The following SLIT2 variants were observed in gnomAD, a reference collection of about 807,000 sequenced individuals.
SLIT2 encodes slit guidance ligand 2, also known as slit homolog 2 protein.
In SLIT2, 41 loss-of-function variants were observed where a neutral mutation model predicts 185.7. The observed-to-expected ratio is 0.22, with a 90% confidence interval of 0.17 to 0.29. SLIT2 has a LOEUF of 0.29. SLIT2 is among the 10% of genes least tolerant of loss of function. The pLI, the probability that SLIT2 is intolerant of heterozygous loss-of-function variation, is 1.00. For missense variants in SLIT2, 1,571 were observed against 1,909.0 expected (o/e 0.82, Z 3.30); for synonymous variants, 693 against 680.2 (o/e 1.02, Z -0.29).
chr4:20,486,015 C>T lies in SLIT2; in HGVS notation c.540-185C>T, dbSNP rs559359028. 1.1e-3 allele frequency among the ~76,000 whole-genome samples: 165 copies of T among 152,140 alleles called. 1 individual carries two copies. The highest frequency in any genetic ancestry group is 3.6e-3 in the African/African-American group (148 of 41,522). ...TAAATGTTGAATAAAACAAAATGTACAGTAATATGTTAAATTATGAAATTA... is the reference window on the plus strand; with the variant it reads ...TAAATGTTGAATAAAACAAAATGTATAGTAATATGTTAAATTATGAAATTA... On this transcript the variant is annotated intron_variant, in intron 6 of 36. Coordinates refer to ENST00000504154, the MANE Select transcript of SLIT2 (RefSeq NM_004787.4).
At chr4:20,601,532 G>C (rs1728411792) in intron 33 of SLIT2, among the ~76,000 whole-genome samples, 1 of 152,124 alleles carries the variant, frequency 6.6e-6, no homozygotes, top group Non-Finnish European at 1.5e-5. Context: ...CAGGTGCAAT[G>C]GATCTACTCT....
chr4:20,538,836 G>A (rs985250834), intron 18 of SLIT2, among the ~76,000 whole-genome samples: 11 of 150,426 alleles, frequency 7.3e-5, no homozygotes, highest in South Asian at 2.1e-4. Flanking sequence ...ACTTTATTGT[G>A]GATATGGGAT....
chr4:20,314,223 T>G (rs551821316), intron 4 of SLIT2, among the ~76,000 whole-genome samples: 65 of 152,310 alleles, frequency 4.3e-4, no homozygotes, highest in Non-Finnish European at 8.2e-4. Context: ...TGAGTTTTAA[T>G]TTTCTTATCT....
At chr4:20,315,826 G>A (rs957787848) in intron 4 of SLIT2, among the ~76,000 whole-genome samples, 1 of 151,888 alleles carries the variant, frequency 6.6e-6, no homozygotes, top group African/African-American at 2.4e-5. Flanking sequence ...CTATAGCCAT[G>A]GGCTTTTAAT....
chr4:20,365,641 GCTGCCCCTAC>G (rs1433390729), intron 4 of SLIT2, among the ~76,000 whole-genome samples: 4 of 152,122 alleles, frequency 2.6e-5, no homozygotes, highest in African/African-American at 9.7e-5. Flanking sequence ...CCCAGTCATG[GCTGCCCCTAC>G]CTGGAAGATG....
At chr4:20,433,280 A>T (rs1349016020) in intron 4 of SLIT2, among the ~76,000 whole-genome samples, 1 of 152,230 alleles carries the variant, frequency 6.6e-6, no homozygotes. Flanking sequence ...GACACAACAG[A>T]GGTGGCCTTT....
chr4:20,466,276 ATCAATGGCAAACTGGAG>A (rs2148740276), intron 4 of SLIT2, among the ~76,000 whole-genome samples: 1 of 152,244 alleles, frequency 6.6e-6, no homozygotes, highest in Non-Finnish European at 1.5e-5. Flanking sequence ...GTCAGTCTAA[ATCAATGGCAAACTGGAG>A]AAATAAGCAA....
chr4:20,272,735 A>C (rs764107738), intron 4 of SLIT2, among the ~76,000 whole-genome samples: 1 of 152,112 alleles, frequency 6.6e-6, no homozygotes, highest in Non-Finnish European at 1.5e-5. Context: ...CTCATTTTTC[A>C]CTTTTATCTG....
intron 11 of SLIT2, among the ~76,000 whole-genome samples, chr4:20,518,050 T>A (rs563918145): frequency 1.3e-5 from 2 of 149,344 alleles, no homozygotes; most frequent in Non-Finnish European, 3.0e-5. Context: ...CATCTAAATA[T>A]GTTTCCCTTT....
intron 28 of SLIT2, 58 bp from the exon 29 acceptor site, chr4:20,568,807 A>G: frequency 2.0e-6 from 3 of 1,518,244 alleles, no homozygotes; most frequent in Non-Finnish European, 2.7e-6. Flanking sequence ...TATTTAGACC[A>G]CATGACTTTA....
Position 20,542,499 on chromosome 4 carries a change from G to A in SLIT2, c.2149G>A (p.Asp717Asn), listed in dbSNP as rs200231999. ...GTATTTCCTCTGCGATTTAGGAAAT[G>A]ATGACAATAGTTGCTCCCCACTTTC... ...IQDFTCDDGN[D>N]DNSCSPLSRC... Residue 717 changes from aspartate to asparagine, a missense_variant, in exon 21 of 37, where the codon GAT becomes AAT. Asp to Asn is a conservative substitution (Grantham distance 23, BLOSUM62 1). Transcript: ENST00000504154. The A allele has an allele frequency of 1.1e-5, 17 of 1,613,378 alleles. No homozygotes were observed. The East Asian group carries it at 3.8e-4, about 36-fold the overall frequency.
chr4:20,472,096 A>G (rs928473129), intron 5 of SLIT2, among the ~76,000 whole-genome samples: 25 of 150,162 alleles, frequency 1.7e-4, no homozygotes, highest in African/African-American at 5.9e-4. Context: ...TAGGATTTAC[A>G]TTTGTGTTTT....
intron 3 of SLIT2, among the ~76,000 whole-genome samples, chr4:20,258,414 C>T (rs185868493): frequency 2.7e-4 from 41 of 151,606 alleles, no homozygotes; most frequent in African/African-American, 8.2e-4. Context: ...TTATATTTAG[C>T]GTGGTGAACA....
At chr4:20,420,019 G>C (rs1489037690) in intron 4 of SLIT2, among the ~76,000 whole-genome samples, 1 of 151,926 alleles carries the variant, frequency 6.6e-6, no homozygotes, top group Non-Finnish European at 1.5e-5. Context: ...AATAAAATAG[G>C]GCCAAACCAG....
intron 4 of SLIT2, chr4:20,392,241 C>T (rs1577564561): frequency 2.0e-5 from 3 of 151,996 alleles, no homozygotes; most frequent in South Asian, 2.1e-4. Context: ...ATATGGAATA[C>T]TGTAGGCAAT....
At chr4:20,533,851 C>A (rs572212328) in intron 18 of SLIT2, 136 bp downstream of exon 18, 17 of 714,946 alleles carry the variant, frequency 2.4e-5, no homozygotes, top group Non-Finnish European at 3.4e-5. Context: ...CTGTTACACA[C>A]ACATACACAC....
chr4:20,435,567 T>C (rs1465397075), intron 4 of SLIT2, among the ~76,000 whole-genome samples: 9 of 152,184 alleles, frequency 5.9e-5, no homozygotes, highest in Non-Finnish European at 1.2e-4. Flanking sequence ...AAGGGCCACA[T>C]TGAATTGGCT....
At chr4:20,453,288 A>T (rs1712680632) in intron 4 of SLIT2, among the ~76,000 whole-genome samples, 1 of 152,210 alleles carries the variant, frequency 6.6e-6, no homozygotes, top group African/African-American at 2.4e-5. Context: ...GTATTTATTG[A>T]TAATGACAGC....
chr4:20,547,904 A>C (rs1042996403), intron 22 of SLIT2, among the ~76,000 whole-genome samples: 18 of 152,030 alleles, frequency 1.2e-4, no homozygotes, highest in Non-Finnish European at 2.4e-4. Flanking sequence ...TTTATTGAGG[A>C]CCTACTGTGT....
Sources: allele counts gnomAD v4.1 joint callset (sites outside exome capture counted in the v4.1 genomes callset), GRCh38; gene constraint gnomAD v4.1.1; transcripts MANE v1.5; gene names NCBI Gene and HGNC (gene_info 2026-07-23, HGNC 2026-07-21).